LGSN: variants seen among roughly 807,000 people sequenced by gnomAD.
LGSN encodes the protein lengsin, lens protein with glutamine synthetase domain.
LGSN carries 21 observed loss-of-function variants against 19.5 expected under a neutral mutation model. That is an observed-to-expected ratio of 1.07 (90% confidence interval 0.76 to 1.55). The LOEUF is 1.55. LGSN is among the 40% of genes most tolerant of loss of function. The pLI is 0.00. For synonymous variants in LGSN, 257 were observed against 215.6 expected, an observed-to-expected ratio of 1.19 and a Z score of -1.68; for missense variants, 673 against 608.5, an observed-to-expected ratio of 1.11 and a Z score of -1.12.
chr6:63,289,459 CA>C (rs1172594529), intron 2 of LGSN, among the ~76,000 whole-genome samples: 1 of 152,116 alleles, frequency 6.6e-6, no homozygotes, highest in African/African-American at 2.4e-5. Context: ...TGATGAATAG[CA>C]GGCAGATAAT....
the LGSN span, among the ~76,000 whole-genome samples, chr6:63,531,829 C>T: frequency 2.6e-5 from 4 of 151,270 alleles, no homozygotes; most frequent in African/African-American, 9.7e-5. Flanking sequence ...TGGCCACATA[C>T]ACTTTTTTTT....
Position 63,280,454 on chromosome 6 carries a change from C to A in LGSN, c.1097G>T (p.Arg366Leu), listed in dbSNP as rs139295115. 5 of 1,614,152 alleles carry A rather than the reference C, an allele frequency of 3.1e-6. No homozygotes were observed. The highest frequency in any genetic ancestry group is 4.2e-6 in the Non-Finnish European group (5 of 1,180,042). ...SCLMAPSVSC[R>L]KRYSKDRKDL... ...TTTCCTGTCCTTGGAATAACGCTTT[C>A]GGCAGCTAACAGAAGGCGCCATCAG... is the stretch of plus-strand genomic sequence containing the variant. Residue 366 changes from arginine (R) to leucine (L), a missense_variant, in exon 4 of 4, where the codon CGA (arginine) becomes CTA (leucine). Transcript: ENST00000370657.
chr6:63,528,288 C>T, the LGSN span, among the ~76,000 whole-genome samples: 2 of 152,162 alleles, frequency 1.3e-5, no homozygotes, highest in African/African-American at 2.4e-5. Context: ...TTTCTGCTCC[C>T]ATTGGGCTGT....
At chr6:63,459,992 G>GTCC in the LGSN span, among the ~76,000 whole-genome samples, 1 of 150,188 alleles carries the variant, frequency 6.7e-6, no homozygotes, top group Non-Finnish European at 1.5e-5. Flanking sequence ...CGTGCTCCAT[G>GTCC]TCCACACCCT....
At chr6:63,484,699 C>G in the LGSN span, among the ~76,000 whole-genome samples, 1 of 152,122 alleles carries the variant, frequency 6.6e-6, no homozygotes, top group Non-Finnish European at 1.5e-5. Context: ...GCATTCTAGA[C>G]CAAGGTACAT....
the LGSN span, among the ~76,000 whole-genome samples, chr6:63,435,492 T>C: frequency 6.6e-6 from 1 of 152,306 alleles, no homozygotes; most frequent in East Asian, 1.9e-4. Context: ...AATGGTCGCA[T>C]CTCTCAGCTT....
At chr6:63,283,665 C>T (rs1449119134) in intron 3 of LGSN, among the ~76,000 whole-genome samples, 5 of 148,796 alleles carry the variant, frequency 3.4e-5, no homozygotes, top group Admixed American at 6.8e-5. Context: ...CACACACACA[C>T]GATATTTAGG....
At chr6:63,412,547 A>AG in the LGSN span, among the ~76,000 whole-genome samples, 7 of 140,478 alleles carry the variant, frequency 5.0e-5, no homozygotes, top group African/African-American at 2.0e-4. Context: ...AGAAAGAAAG[A>AG]AAGAAAGAAA....
the LGSN span, among the ~76,000 whole-genome samples, chr6:63,563,999 TA>T: frequency 6.6e-6 from 1 of 152,166 alleles, no homozygotes; most frequent in Non-Finnish European, 1.5e-5. Flanking sequence ...CAACTATATT[TA>T]ATGGTGGCTC....
chr6:63,331,276 A>G, the LGSN span, among the ~76,000 whole-genome samples: 7 of 152,176 alleles, frequency 4.6e-5, no homozygotes, highest in African/African-American at 1.2e-4. Flanking sequence ...GAAAGCTTGG[A>G]CATAAGGTAT....
the LGSN span, among the ~76,000 whole-genome samples, chr6:63,382,057 C>G: frequency 6.6e-6 from 1 of 152,116 alleles, no homozygotes; most frequent in Non-Finnish European, 1.5e-5. Flanking sequence ...CAACCAAGTG[C>G]TATTCTTCTT....
the LGSN span, among the ~76,000 whole-genome samples, chr6:63,325,211 CAAACCCA>C: frequency 6.7e-6 from 1 of 150,078 alleles, no homozygotes; most frequent in Non-Finnish European, 1.5e-5. Context: ...AAGAACAAAC[CAAACCCA>C]AAACTAGTGC....
the LGSN span, among the ~76,000 whole-genome samples, chr6:63,351,625 T>G: frequency 6.6e-6 from 1 of 152,088 alleles, no homozygotes; most frequent in African/African-American, 2.4e-5. Flanking sequence ...CCAGGCTAAT[T>G]TTTTGTATTT....
At chr6:63,301,248 G>A (rs186289552) in intron 1 of LGSN, among the ~76,000 whole-genome samples, 208 of 152,126 alleles carry the variant, frequency 1.4e-3, no homozygotes, top group African/African-American at 3.0e-3. Flanking sequence ...CCAAGATTGC[G>A]CCACTGCACT....
At chr6:63,563,233 T>C in the LGSN span, among the ~76,000 whole-genome samples, 2 of 152,236 alleles carry the variant, frequency 1.3e-5, no homozygotes, top group Non-Finnish European at 2.9e-5. Context: ...TGTGGTGTGA[T>C]TCACTGTCAG....
chr6:63,295,191 T>A, intron 1 of LGSN, 146 bp from the exon 2 acceptor site: 1 of 673,488 alleles, frequency 1.5e-6, no homozygotes, highest in Non-Finnish European at 2.5e-6. Flanking sequence ...ACTTCCACAC[T>A]CACCTGAATA....
chr6:63,377,806 C>A, the LGSN span, among the ~76,000 whole-genome samples: 3 of 149,472 alleles, frequency 2.0e-5, no homozygotes, highest in South Asian at 4.2e-4. Context: ...CCCAGCTACT[C>A]AGGAGGCTGA....
At chr6:63,289,368 A>T (rs1227412308) in intron 2 of LGSN, among the ~76,000 whole-genome samples, 2 of 152,146 alleles carry the variant, frequency 1.3e-5, no homozygotes, top group South Asian at 4.1e-4. Context: ...TTGCTGCATC[A>T]TTGTCGGAAT....
chr6:63,299,422 C>T (rs1304067226), intron 1 of LGSN, among the ~76,000 whole-genome samples: 1 of 152,194 alleles, frequency 6.6e-6, no homozygotes, highest in Non-Finnish European at 1.5e-5. Context: ...CACATCCTCC[C>T]TCCTTGATTT....
Sources: allele counts gnomAD v4.1 joint callset (sites outside exome capture counted in the v4.1 genomes callset), GRCh38; gene constraint gnomAD v4.1.1; transcripts MANE v1.5; gene names NCBI Gene and HGNC (gene_info 2026-07-23, HGNC 2026-07-21).